GFRA1: variants seen among roughly 807,000 people sequenced by gnomAD.
GFRA1 encodes GDNF family receptor alpha-1.
A neutral mutation model predicts 51.6 loss-of-function variants in GFRA1; 16 were observed. The ratio of observed to expected loss-of-function variants is 0.31; its 90% confidence interval spans 0.21 to 0.47. GFRA1 has a LOEUF of 0.47. GFRA1 is among the 20% of genes least tolerant of loss of function. The pLI is 1.00. For synonymous variants in GFRA1, 270 were observed against 241.3 expected, an observed-to-expected ratio of 1.12 and a Z score of -1.10; for missense variants, 530 against 594.3, an observed-to-expected ratio of 0.89 and a Z score of 1.13.
intron 9 of GFRA1, among the ~76,000 whole-genome samples, chr10:116,083,616 T>G (rs1467487330): frequency 6.6e-6 from 1 of 152,146 alleles, no homozygotes; most frequent in East Asian, 1.9e-4. Flanking sequence ...ACTCGACACT[T>G]AAAATTTTCA....
At chr10:116,186,379 G>T (rs971317129) in intron 5 of GFRA1, among the ~76,000 whole-genome samples, 1 of 152,184 alleles carries the variant, frequency 6.6e-6, no homozygotes, top group South Asian at 2.1e-4. Flanking sequence ...ACTTCACACA[G>T]AGGTGGTGGC....
intron 5 of GFRA1, among the ~76,000 whole-genome samples, chr10:116,194,432 T>C (rs1963557581): frequency 6.6e-6 from 1 of 152,188 alleles, no homozygotes; most frequent in East Asian, 1.9e-4. Flanking sequence ...GTTTTCTAAT[T>C]TATCCTGAAG....
rs1016037019 is a variant in GFRA1 at position 116,062,980 on chromosome 10, G to A, written c.*1418C>T. ...CTAACATGGTCTGCAGTCTGTCACG[G>A]AGGACATGAAACAAGATGCAAGCAG... On this transcript the variant is annotated 3_prime_UTR_variant, in exon 11 of 11. Transcript: ENST00000355422. 3 of 152,286 alleles carry A rather than the reference G, an allele frequency of 2.0e-5. No homozygotes were observed. The highest frequency in any genetic ancestry group is 4.8e-5 in the African/African-American group (2 of 41,550). 9.4% of individuals were successfully genotyped at this position (152,286 alleles called of 1,614,324 possible). A position where few individuals can be genotyped will look rare whatever the true frequency, so the allele number is the denominator to read the frequency against.
At chr10:116,096,399 G>A (rs1281588125) in intron 7 of GFRA1, among the ~76,000 whole-genome samples, 1 of 152,066 alleles carries the variant, frequency 6.6e-6, no homozygotes, top group African/African-American at 2.4e-5. Flanking sequence ...TTACCCGTCT[G>A]CGCACTTGCA....
chr10:116,212,136 TAGAA>T (rs1965239425), intron 4 of GFRA1, among the ~76,000 whole-genome samples: 2 of 152,094 alleles, frequency 1.3e-5, no homozygotes, highest in African/African-American at 4.8e-5. Context: ...CAAAGTGTGT[TAGAA>T]AGGTTAAAAA....
chr10:116,148,133 G>C (rs941815797), intron 5 of GFRA1, among the ~76,000 whole-genome samples: 1 of 125,278 alleles, frequency 8.0e-6, no homozygotes, highest in African/African-American at 3.2e-5. Context: ...TGTGTGGGGT[G>C]GGGGGTAGGG....
intron 4 of GFRA1, among the ~76,000 whole-genome samples, chr10:116,212,228 A>G (rs1038734773): frequency 2.6e-5 from 4 of 152,098 alleles, no homozygotes; most frequent in African/African-American, 9.7e-5. Flanking sequence ...ACCAGGAAAC[A>G]CACATCTAGG....
intron 5 of GFRA1, 81 bp from the exon 6 acceptor site, chr10:116,125,638 CCATTTATCTGG>C: frequency 8.9e-7 from 1 of 1,124,710 alleles, no homozygotes; most frequent in Non-Finnish European, 1.3e-6. Flanking sequence ...TGAGATCCTG[CCATTTATCTGG>C]CATTGCCAGC....
chr10:116,108,413 T>C (rs1957081708), intron 6 of GFRA1, among the ~76,000 whole-genome samples: 1 of 152,184 alleles, frequency 6.6e-6, no homozygotes, highest in Admixed American at 6.5e-5. Context: ...TTTCCCCTTT[T>C]GGGGAAATTC....
At chr10:116,172,620 C>A (rs1324697180) in intron 5 of GFRA1, among the ~76,000 whole-genome samples, 3 of 152,104 alleles carry the variant, frequency 2.0e-5, no homozygotes, top group Non-Finnish European at 4.4e-5. Flanking sequence ...GGGATGAATG[C>A]AGGAAGCGGC....
intron 4 of GFRA1, among the ~76,000 whole-genome samples, chr10:116,239,794 T>A (rs766882048): frequency 4.1e-4 from 62 of 152,310 alleles, no homozygotes; most frequent in Non-Finnish European, 7.5e-4. Context: ...TTTAAAAAAT[T>A]TAACAACAAA....
At chr10:116,092,096 T>TAC (rs58442181) in intron 8 of GFRA1, among the ~76,000 whole-genome samples, 11,550 of 138,020 alleles carry the variant, frequency 0.084, 604 homozygotes, top group Middle Eastern at 0.13. Flanking sequence ...CATACATACG[T>TAC]ACACACACAC....
chr10:116,268,932 T>C lies in GFRA1; in HGVS notation c.418+571A>G, dbSNP rs189132233. 7.2e-5 allele frequency among the ~76,000 whole-genome samples: 11 copies of C among 152,296 alleles called. No homozygotes were observed. In the East Asian group the frequency reaches 1.4e-3, roughly 19 times the overall value. On this transcript the variant is annotated intron_variant, in intron 4 of 10. Transcript: ENST00000355422. Reference sequence around the variant, plus strand: ...AGCGAGACTACATTTAAAAGGGCCATTGGGGCAGGAGTACATTCTCTCATA... The same window carrying C: ...AGCGAGACTACATTTAAAAGGGCCACTGGGGCAGGAGTACATTCTCTCATA...
chr10:116,266,088 C>T (rs747510498), intron 4 of GFRA1, among the ~76,000 whole-genome samples: 1 of 152,202 alleles, frequency 6.6e-6, no homozygotes, highest in African/African-American at 2.4e-5. Context: ...GATAATACCT[C>T]AGCAAGGCCT....
In GFRA1 at chr10:116,119,052, C is replaced by G. The variant is rs190743900; in HGVS notation, c.770+6169G>C. Among the ~76,000 whole-genome samples the G allele has an allele frequency of 6.6e-5, 10 of 152,312 alleles. No individual in the cohort carries two copies. In the East Asian group the frequency reaches 1.9e-3, roughly 29 times the overall value. The stretch of plus-strand genomic sequence containing the variant: ...GCTGGCTCCTGCCTGGTCCAGGGCT[C>G]AGGTTACCTCTGAGAGCCCGAGCTG... On this transcript the variant is annotated intron_variant, in intron 6 of 10. Coordinates refer to ENST00000355422, the MANE Select transcript of GFRA1 (RefSeq NM_005264.8).
intron 6 of GFRA1, among the ~76,000 whole-genome samples, chr10:116,120,289 C>G (rs1383631259): frequency 6.6e-6 from 1 of 152,140 alleles, no homozygotes; most frequent in African/African-American, 2.4e-5. Context: ...GCACTGTTGG[C>G]AAAGAGGAAT....
chr10:116,137,211 T>C lies in GFRA1; in HGVS notation c.434-11654A>G, dbSNP rs1003175443. On this transcript the variant is annotated intron_variant, in intron 5 of 10. Coordinates refer to ENST00000355422, the MANE Select transcript of GFRA1 (RefSeq NM_005264.8). ...AACATTGTTCTGGCCTCGGTATGCA[T>C]AGAGAGAAGGAAAAGCATACATTCT... Among the ~76,000 whole-genome samples, 3 of 152,082 alleles carry C rather than the reference T, an allele frequency of 2.0e-5. No individual in the cohort carries two copies. The South Asian group carries it at 6.2e-4, about 31-fold the overall frequency.
At chr10:116,234,445 C>T (rs1189033842) in intron 4 of GFRA1, among the ~76,000 whole-genome samples, 1 of 152,144 alleles carries the variant, frequency 6.6e-6, no homozygotes, top group Middle Eastern at 3.2e-3. Flanking sequence ...ATAGCTTCAA[C>T]TTAGGATACA....
chr10:116,075,909 TA>T (rs1189120485), intron 9 of GFRA1, among the ~76,000 whole-genome samples: 3 of 151,876 alleles, frequency 2.0e-5, no homozygotes, highest in Non-Finnish European at 2.9e-5. Context: ...TGTGCCCGGC[TA>T]ATTTTTTGTA....
Sources: gnomAD v4.1 joint callset for allele counts (sites outside exome capture counted in the v4.1 genomes callset) on GRCh38, gnomAD v4.1.1 for gene constraint, MANE v1.5 for transcripts, NCBI Gene and HGNC (gene_info 2026-07-23, HGNC 2026-07-21) for gene names.